ZNF266: variants seen among roughly 807,000 people sequenced by gnomAD.
ZNF266 encodes zinc finger protein 266.
A neutral mutation model predicts 16.4 loss-of-function variants in ZNF266; 16 were observed. That is an observed-to-expected ratio of 0.98 (90% CI 0.66 to 1.48). The LOEUF (loss-of-function observed/expected upper bound fraction) is 1.48. Among genes scored for constraint, ZNF266 ranks in the 40% most tolerant of loss-of-function variants. The pLI, the probability that ZNF266 is intolerant of heterozygous loss-of-function variation, is 0.00. For synonymous variants in ZNF266, 262 were observed against 237.9 expected (o/e 1.10, Z -0.93); for missense variants, 738 against 689.1 (o/e 1.07, Z -0.79).
Position 9,413,869 on chromosome 19 carries a change from A to G in ZNF266, c.1257T>C (p.Tyr419=). 6.2e-7 allele frequency: 1 copy of G among 1,614,172 alleles called. No individual in the cohort carries two copies. Among genetic ancestry groups the G allele is most frequent in the East Asian group, 2.2e-5 (1 of 44,886 alleles). The change falls in exon 11 of 11, where the codon TAT becomes TAC. Residue 419 remains tyrosine, a synonymous_variant. Transcript: ENST00000592904. The part of the protein sequence containing the change: ...HFRIHTGIKP[Y]KCKDCGKAFT... The stretch of plus-strand genomic sequence containing the variant: ...AGGCTTTCCCACAATCCTTACATTT[A>G]TAGGGTTTTATTCCAGTGTGAATTC...
Position 9,434,867 on chromosome 19 carries a change from G to A in ZNF266, c.-471-8C>T, listed in dbSNP as rs1457886636. ...CTGTGGGGAGGTACAGGCCTAGGAA[G>A]TTCAGATAAAAAGAATAGCTGAGTA... On this transcript the variant is annotated splice_polypyrimidine_tract_variant and splice_region_variant and intron_variant, in intron 2 of 10. Coordinates refer to ENST00000592904, the MANE Select transcript of ZNF266 (RefSeq NM_001370374.1). 3 of 152,148 alleles carry A rather than the reference G, an allele frequency of 2.0e-5. No individual in the cohort carries two copies. Among genetic ancestry groups the A allele is most frequent in the Non-Finnish European group, 4.4e-5 (3 of 68,044 alleles). 9.4% of individuals were successfully genotyped at this position (152,148 alleles called of 1,614,324 possible). A position where few individuals can be genotyped will look rare whatever the true frequency, so the allele number is the denominator to read the frequency against.
At chr19:9,430,715 C>A (rs923801758) in intron 5 of ZNF266, among the ~76,000 whole-genome samples, 3 of 152,166 alleles carry the variant, frequency 2.0e-5, no homozygotes, top group African/African-American at 7.2e-5. Context: ...ACCCAACACA[C>A]CCCACAGCTG....
chr19:9,426,846 G>A (rs561059915), intron 5 of ZNF266, among the ~76,000 whole-genome samples: 36 of 151,950 alleles, frequency 2.4e-4, no homozygotes, highest in African/African-American at 7.8e-4. Context: ...AAATAGGTAC[G>A]CCTCGCTTTA....
chr19:9,424,551 A>G (rs2070441670), intron 5 of ZNF266, among the ~76,000 whole-genome samples: 1 of 152,216 alleles, frequency 6.6e-6, no homozygotes, highest in African/African-American at 2.4e-5. Context: ...ATGGACATCA[A>G]CTACAACCTC....
intron 8 of ZNF266, 43 bp from the exon 9 acceptor site, chr19:9,417,951 A>G: frequency 6.4e-7 from 1 of 1,570,174 alleles, no homozygotes; most frequent in Non-Finnish European, 8.8e-7. Flanking sequence ...GGCTCATGCA[A>G]GAGATGATAA....
chr19:9,426,515 G>A (rs7252370), intron 5 of ZNF266, among the ~76,000 whole-genome samples: 8 of 149,092 alleles, frequency 5.4e-5, no homozygotes, highest in Admixed American at 3.3e-4. Flanking sequence ...AAAAAGCCTC[G>A]AGATTTAGGA....
rs1422965119 is a variant in ZNF266, at chr19:9,413,870, T to C, written c.1256A>G (p.Tyr419Cys). The part of the protein sequence containing the change: ...HFRIHTGIKP[Y>C]KCKDCGKAFT... Reference sequence around the variant, plus strand: ...GGCTTTCCCACAATCCTTACATTTATAGGGTTTTATTCCAGTGTGAATTCG... The same window carrying C: ...GGCTTTCCCACAATCCTTACATTTACAGGGTTTTATTCCAGTGTGAATTCG... The change falls in exon 11 of 11, where the codon TAT (tyrosine) becomes TGT (cysteine). Residue 419 changes from tyrosine to cysteine, a missense_variant. Physicochemically the swap from Tyr to Cys is radical, Grantham distance 194 (BLOSUM62 -2). Transcript: ENST00000592904. 5.0e-6 allele frequency: 8 copies of C among 1,614,082 alleles called. No individual in the cohort carries two copies. In the African/African-American group the frequency reaches 5.3e-5, roughly 11 times the overall value.
At chr19:9,432,238 C>T (rs921626626) in intron 5 of ZNF266, among the ~76,000 whole-genome samples, 8 of 152,146 alleles carry the variant, frequency 5.3e-5, no homozygotes, top group East Asian at 1.9e-4. Flanking sequence ...GGATTACAGG[C>T]GTGAGCCACT....
chr19:9,417,793 C>T, intron 9 of ZNF266, 35 bp downstream of exon 9: 1 of 1,559,466 alleles, frequency 6.4e-7, no homozygotes, highest in Middle Eastern at 1.7e-4. Flanking sequence ...ACATACTGAA[C>T]TTATTGACCA....
Position 9,413,562 on chromosome 19 carries a change from T to C in ZNF266, c.1564A>G (p.Met522Val), listed in dbSNP as rs1270811872. The change falls in exon 11 of 11, where the codon ATG (methionine) becomes GTG (valine). Residue 522 changes from methionine to valine, a missense_variant. By Grantham distance (21) the Met-to-Val change is conservative. Transcript: ENST00000592904. ...FTHSSSLNNHMRTHSAKKPFT... is the reference protein window; with the variant it reads ...FTHSSSLNNHVRTHSAKKPFT... ...GGTTTTTTGGCGCTGTGGGTCCGCATGTGATTATTAAGACTGGAGGAATGC... is the reference window on the plus strand; with the variant it reads ...GGTTTTTTGGCGCTGTGGGTCCGCACGTGATTATTAAGACTGGAGGAATGC... 1 of 1,614,066 alleles carries C rather than the reference T, an allele frequency of 6.2e-7. No homozygotes were observed. Among genetic ancestry groups the C allele is most frequent in the African/African-American group, 1.3e-5 (1 of 74,926 alleles).
Position 9,414,713 on chromosome 19 carries a change from C to T in ZNF266, c.413G>A (p.Ser138Asn). 6.4e-7 allele frequency: 1 copy of T among 1,560,656 alleles called. No homozygotes were observed. The highest frequency in any genetic ancestry group is 1.2e-5 in the South Asian group (1 of 84,552). ...ATCACTGACCTCCCCTCCGTTGTGG[C>T]TTCCTATCTGTTGATAAAGGAATGA... is the stretch of plus-strand genomic sequence containing the variant. The part of the protein sequence containing the change: ...PTSSGIQMIG[S>N]HNGGEVSDVK... Residue 138 changes from serine (S) to asparagine (N), a missense_variant, in exon 11 of 11, where the codon AGC (serine) becomes AAC (asparagine). By Grantham distance (46) the Ser-to-Asn change is conservative. Transcript: ENST00000592904.
At chr19:9,426,719 A>T (rs2070801405) in intron 5 of ZNF266, among the ~76,000 whole-genome samples, 1 of 152,154 alleles carries the variant, frequency 6.6e-6, no homozygotes, top group African/African-American at 2.4e-5. Flanking sequence ...CAATTAACAA[A>T]ACTGCATAGG....
At chr19:9,420,539 A>T (rs1448088852) in intron 5 of ZNF266, 1 of 152,224 alleles carries the variant, frequency 6.6e-6, no homozygotes, top group East Asian at 1.9e-4. Context: ...GTGTCAGTTG[A>T]GGTCAGGAGT....
intron 9 of ZNF266, among the ~76,000 whole-genome samples, chr19:9,417,281 A>C (rs2069185309): frequency 6.6e-6 from 1 of 152,164 alleles, no homozygotes; most frequent in Non-Finnish European, 1.5e-5. Flanking sequence ...AGTACTCAGG[A>C]GAATTACCTG....
intron 5 of ZNF266, among the ~76,000 whole-genome samples, chr19:9,421,221 T>C (rs1032016539): frequency 2.6e-5 from 4 of 152,176 alleles, no homozygotes; most frequent in Non-Finnish European, 5.9e-5. Flanking sequence ...ACAGCCTTTA[T>C]TCTATGAATG....
At position 9,414,473 on chromosome 19, in the gene ZNF266, G is replaced by A. The variant is rs748064916; in HGVS notation, c.653C>T (p.Thr218Ile). 21 of 1,614,072 alleles carry A rather than the reference G, an allele frequency of 1.3e-5. No homozygotes were observed. In the East Asian group the frequency reaches 2.9e-4, roughly 22 times the overall value. Reference protein sequence around the residue: ...NPDVVCQRTCTGEKAFDCSDS... With the variant: ...NPDVVCQRTCIGEKAFDCSDS... ...ACTGCAATCAAAAGCTTTCTCTCCT[G>A]TGCACGTTCTCTGGCAAACAACATC... The change falls in exon 11 of 11, where the codon ACA becomes ATA. Residue 218 changes from threonine to isoleucine, a missense_variant. Physicochemically the swap from Thr to Ile is moderately conservative, Grantham distance 89. Transcript: ENST00000592904.
Position 9,418,482 on chromosome 19 carries a change from A to G in ZNF266, c.235+23T>C, listed in dbSNP as rs370953593. 5.6e-6 allele frequency: 9 copies of G among 1,613,366 alleles called. No individual in the cohort carries two copies. The Admixed American group carries it at 6.7e-5, about 12-fold the overall frequency. Reference sequence around the variant, plus strand: ...AACATAATCTGTTCCATAGTAGGCTACAAGGGATGAGGCCAGTCTTACCTA... The same window carrying G: ...AACATAATCTGTTCCATAGTAGGCTGCAAGGGATGAGGCCAGTCTTACCTA... On this transcript the variant is annotated intron_variant, in intron 8 of 10. Coordinates refer to ENST00000592904, the MANE Select transcript of ZNF266 (RefSeq NM_001370374.1).
In ZNF266 at chr19:9,423,714, G is replaced by C. The variant is rs2070276163; in HGVS notation, c.-129-3496C>G. On this transcript the variant is annotated intron_variant, in intron 5 of 10. Coordinates refer to ENST00000592904, the MANE Select transcript of ZNF266 (RefSeq NM_001370374.1). ...ACATGGGTCCAAGAATTGATGAGTA[G>C]GCCAGGCGCGGTGGCTCATGCCTGG... Among the ~76,000 whole-genome samples the C allele has an allele frequency of 2.0e-5, 3 of 152,184 alleles. No individual in the cohort carries two copies. In the South Asian group the frequency reaches 6.2e-4, roughly 31 times the overall value.
At chr19:9,432,720 C>A (rs1210713603) in intron 5 of ZNF266, among the ~76,000 whole-genome samples, 1 of 151,792 alleles carries the variant, frequency 6.6e-6, no homozygotes, top group Non-Finnish European at 1.5e-5. Context: ...TTAAGAAAGA[C>A]TAATAAAAAT....
Sources: gnomAD v4.1 joint callset for allele counts (sites outside exome capture counted in the v4.1 genomes callset) on GRCh38, gnomAD v4.1.1 for gene constraint, MANE v1.5 for transcripts, NCBI Gene and HGNC (gene_info 2026-07-23, HGNC 2026-07-21) for gene names.